The following CDK13 variants were observed in gnomAD, a reference collection of about 807,000 sequenced individuals.
CDK13 encodes the protein cyclin-dependent kinase 13.
CDK13 carries 40 observed loss-of-function variants against 137.6 expected under a neutral mutation model. The ratio of observed to expected loss-of-function variants is 0.29; its 90% CI spans 0.23 to 0.38. The LOEUF (loss-of-function observed/expected upper bound fraction) is 0.38. CDK13 is among the 10% of genes least tolerant of loss of function. CDK13 has a pLI of 1.00. For synonymous variants in CDK13, 869 were observed against 760.1 expected (o/e 1.14, Z -2.36); for missense variants, 1,704 against 1,951.8 (o/e 0.87, Z 2.39).
intron 1 of CDK13, among the ~76,000 whole-genome samples, chr7:39,972,265 T>C (rs1423124148): frequency 6.6e-6 from 1 of 152,230 alleles, no homozygotes; most frequent in Non-Finnish European, 1.5e-5. Context: ...ATTTTTAGAA[T>C]AAACACAAAA....
At chr7:39,982,762 G>A (rs956946166) in intron 1 of CDK13, among the ~76,000 whole-genome samples, 48 of 152,142 alleles carry the variant, frequency 3.2e-4, no homozygotes, top group Non-Finnish European at 6.0e-4. Flanking sequence ...TTCTCTGATG[G>A]CCAGTGATGA....
At chr7:39,994,653 A>T (rs1202152525) in intron 2 of CDK13, among the ~76,000 whole-genome samples, 4 of 152,144 alleles carry the variant, frequency 2.6e-5, no homozygotes. Context: ...TGCTTTTTTA[A>T]AAGAGGAAGC....
rs1048576852 is a variant in CDK13, at chr7:39,958,418, A to G, written c.1211+6566A>G. On this transcript the variant is annotated intron_variant, in intron 1 of 13. Coordinates refer to ENST00000181839, the MANE Select transcript of CDK13 (RefSeq NM_003718.5). ...CTAATGGTAGAAATTTTCCGTTAGT[A>G]TAGAAAAGTATAAGAGATTAAAAGG... Among the ~76,000 whole-genome samples the G allele has an allele frequency of 1.8e-4, 28 of 152,288 alleles. No homozygotes were observed. In the South Asian group the frequency reaches 5.8e-3, roughly 32 times the overall value.
intron 1 of CDK13, among the ~76,000 whole-genome samples, chr7:39,983,338 A>G (rs773380): frequency 0.99 from 151,211 of 152,210 alleles, 75,118 homozygotes; most frequent in South Asian, 1. Context: ...AGCCAGGATG[A>G]TCTTGATCTC....
chr7:40,072,973 C>T (rs917874708), intron 9 of CDK13: 4 of 152,020 alleles, frequency 2.6e-5, no homozygotes, highest in African/African-American at 9.7e-5. Flanking sequence ...AATTAAAATC[C>T]ATAGTAGAGA....
intron 1 of CDK13, among the ~76,000 whole-genome samples, chr7:39,964,256 T>C (rs1408257221): frequency 6.6e-6 from 1 of 152,204 alleles, no homozygotes; most frequent in African/African-American, 2.4e-5. Context: ...TCCTGGACTT[T>C]TTTTGGTTGG....
intron 1 of CDK13, among the ~76,000 whole-genome samples, chr7:39,958,619 A>G (rs2116116816): frequency 6.6e-6 from 1 of 152,232 alleles, no homozygotes; most frequent in South Asian, 2.1e-4. Flanking sequence ...TTTTATTAGT[A>G]GCTCCTAGTA....
intron 5 of CDK13, among the ~76,000 whole-genome samples, chr7:40,022,611 AT>A (rs1345374162): frequency 6.8e-6 from 1 of 146,988 alleles, no homozygotes; most frequent in African/African-American, 2.5e-5. Context: ...ATGGCTGAGG[AT>A]TGGGGCTGGG....
intron 5 of CDK13, among the ~76,000 whole-genome samples, chr7:40,014,524 A>G (rs908535269): frequency 1.4e-5 from 2 of 142,444 alleles, no homozygotes; most frequent in Non-Finnish European, 3.0e-5. Flanking sequence ...CAATCATCTC[A>G]GCTCACTGCA....
At chr7:40,065,668 C>T (rs1364161234) in intron 9 of CDK13, among the ~76,000 whole-genome samples, 4 of 152,038 alleles carry the variant, frequency 2.6e-5, no homozygotes, top group Admixed American at 2.6e-4. Flanking sequence ...AGGAGAAAAT[C>T]ACAACCTTAA....
At chr7:39,991,193 T>G (rs1784447847) in intron 2 of CDK13, among the ~76,000 whole-genome samples, 2 of 152,248 alleles carry the variant, frequency 1.3e-5, no homozygotes, top group South Asian at 2.1e-4. Context: ...ACTTTTTGTT[T>G]TTTGCTGAAC....
intron 5 of CDK13, among the ~76,000 whole-genome samples, chr7:40,032,377 CAGA>C (rs1447562109): frequency 1.3e-5 from 2 of 152,156 alleles, no homozygotes; most frequent in Non-Finnish European, 2.9e-5. Context: ...TGCCAAAGAG[CAGA>C]AGTTTTAAAT....
intron 2 of CDK13, among the ~76,000 whole-genome samples, chr7:39,992,278 A>G (rs944247958): frequency 4.0e-5 from 6 of 151,040 alleles, no homozygotes; most frequent in Non-Finnish European, 4.4e-5. Context: ...GCTCGCTGCA[A>G]CCTCCGCCTC....
At chr7:40,049,389 G>C (rs977103562) in intron 7 of CDK13, among the ~76,000 whole-genome samples, 1 of 149,544 alleles carries the variant, frequency 6.7e-6, no homozygotes, top group Admixed American at 6.6e-5. Flanking sequence ...TTTTATTTTA[G>C]GAAAGGGTTG....
intron 1 of CDK13, among the ~76,000 whole-genome samples, chr7:39,960,449 G>C (rs1259197163): frequency 1.3e-5 from 2 of 151,948 alleles, no homozygotes; most frequent in Non-Finnish European, 2.9e-5. Flanking sequence ...AGTAGAGACG[G>C]GGTTTCATCA....
At chr7:40,005,037 G>A (rs533139032) in intron 5 of CDK13, among the ~76,000 whole-genome samples, 36 of 152,154 alleles carry the variant, frequency 2.4e-4, no homozygotes, top group East Asian at 3.9e-4. Flanking sequence ...AGCCAGGCAT[G>A]GTGGTGCATG....
chr7:39,990,889 T>C (rs4723924), intron 2 of CDK13, among the ~76,000 whole-genome samples: 53,097 of 152,160 alleles, frequency 0.35, 10,420 homozygotes, highest in East Asian at 0.51. Context: ...CTGGAAATAC[T>C]ACAGATATTT....
intron 2 of CDK13, among the ~76,000 whole-genome samples, chr7:39,990,064 G>A (rs773105935): frequency 8.5e-5 from 13 of 152,254 alleles, no homozygotes; most frequent in East Asian, 3.9e-4. Context: ...GATTACAGGC[G>A]TGAGCCACTG....
Position 40,043,888 on chromosome 7 carries a change from A to G in CDK13, c.2354-1948A>G, listed in dbSNP as rs145750543. ...TTTACAATTTGGTGTTTATTAATGA[A>G]TTTTGTATAATTTTTTTTTTTTTTT... On this transcript the variant is annotated intron_variant, in intron 5 of 13. Coordinates refer to ENST00000181839, the MANE Select transcript of CDK13 (RefSeq NM_003718.5). Among the ~76,000 whole-genome samples the G allele has an allele frequency of 6.1e-3, 887 of 144,372 alleles. 6 individuals are homozygous for G. Among genetic ancestry groups the G allele is most frequent in the South Asian group, 0.017 (72 of 4,324 alleles). The allele number at this position is 144,372 out of a possible 152,430, so 94.7% of individuals were successfully genotyped here.
Sources: gnomAD v4.1 joint callset for allele counts (sites outside exome capture counted in the v4.1 genomes callset) on GRCh38, gnomAD v4.1.1 for gene constraint, MANE v1.5 for transcripts, NCBI Gene and HGNC (gene_info 2026-07-23, HGNC 2026-07-21) for gene names.